NPAT: variants seen among roughly 807,000 people sequenced by gnomAD.
The protein encoded by NPAT is nuclear protein, coactivator of histone transcription, also known as protein NPAT.
Under a neutral mutation model 130.7 loss-of-function variants are expected in NPAT, and 52 were observed. The observed-to-expected ratio is 0.40, with a 90% CI of 0.32 to 0.50. NPAT has a LOEUF of 0.50. Ranked by LOEUF, NPAT falls within the 20% of genes least tolerant of loss-of-function variation. The probability of loss-of-function intolerance (pLI) is 0.68; values close to 1 mark genes in which losing one functional copy is unlikely to be tolerated. For missense variants in NPAT, 1,687 were observed against 1,662.6 expected (o/e 1.01, Z -0.26); for synonymous variants, 580 against 584.8 (o/e 0.99, Z 0.12).
At position 108,189,277 on chromosome 11, in the gene NPAT, G is replaced by C; in HGVS notation, c.385C>G (p.Gln129Glu). Residue 129 changes from glutamine to glutamate, a missense_variant, in exon 6 of 18, where the codon CAA becomes GAA. Around this residue, in one of 3 missense-constraint regions of NPAT, gnomAD observed 307 missense variants for 298.9 expected, o/e 1.03. Transcript: ENST00000278612. ...EIKRQRKLAS[Q>E]TAPASAELLT... ...AACTCTGCACTGGCTGGAGCTGTTTGAGATGCAAGCTTTCTCTGCCGTTTG... is the reference window on the plus strand; with the variant it reads ...AACTCTGCACTGGCTGGAGCTGTTTCAGATGCAAGCTTTCTCTGCCGTTTG... The C allele has an allele frequency of 6.2e-7, 1 of 1,614,180 alleles. No individual in the cohort carries two copies. The highest frequency in any genetic ancestry group is 8.5e-7 in the Non-Finnish European group (1 of 1,180,022).
intron 1 of NPAT, 42 bp from the exon 2 acceptor site, chr11:108,197,462 G>A: frequency 7.9e-7 from 1 of 1,272,844 alleles, no homozygotes; most frequent in East Asian, 2.3e-5. Context: ...ACTAAATTCT[G>A]TACTTTTGGT....
intron 1 of NPAT, among the ~76,000 whole-genome samples, chr11:108,217,355 T>G (rs2078444018): frequency 6.6e-6 from 1 of 152,212 alleles, no homozygotes. Flanking sequence ...ATAGCTTACA[T>G]GTATTTCAAT....
At chr11:108,180,829 G>A (rs1263778) in intron 10 of NPAT, among the ~76,000 whole-genome samples, 1 of 152,310 alleles carries the variant, frequency 6.6e-6, no homozygotes, top group Non-Finnish European at 1.5e-5. Flanking sequence ...TAAACAAAAT[G>A]TGGCATATAC....
At chr11:108,175,364 C>T (rs2077995701) in intron 12 of NPAT, among the ~76,000 whole-genome samples, 1 of 152,266 alleles carries the variant, frequency 6.6e-6, no homozygotes, top group South Asian at 2.1e-4. Flanking sequence ...TAAGGGGGGA[C>T]TACTCTAATT....
intron 13 of NPAT, chr11:108,170,330 T>A (rs1372736801): frequency 2.6e-6 from 1 of 380,902 alleles, no homozygotes; most frequent in Non-Finnish European, 5.0e-6. Context: ...AGCATAAGAC[T>A]CTACAGCCAA....
At chr11:108,183,909 G>A in intron 10 of NPAT, among the ~76,000 whole-genome samples, 1 of 151,924 alleles carries the variant, frequency 6.6e-6, no homozygotes, top group African/African-American at 2.4e-5. Context: ...GGGAGATCAA[G>A]GCTGCTGTGA....
At chr11:108,190,997 C>T (rs2078163965) in intron 4 of NPAT, among the ~76,000 whole-genome samples, 1 of 152,046 alleles carries the variant, frequency 6.6e-6, no homozygotes, top group Non-Finnish European at 1.5e-5. Flanking sequence ...TGAGCTCAGG[C>T]GTTCAAGGCT....
In NPAT at chr11:108,160,939, G is replaced by C. The variant is rs745467845; in HGVS notation, c.4147C>G (p.Arg1383Gly). ...EELDERERNS[R>G]PSSKNLTNSS... ...TTTGTAAGATTTTTACTAGAAGGACGAGAGTTTCGCTCACGTTCATCTAAT... is the reference window on the plus strand; with the variant it reads ...TTTGTAAGATTTTTACTAGAAGGACCAGAGTTTCGCTCACGTTCATCTAAT... Residue 1383 changes from arginine (R) to glycine (G), a missense_variant, in exon 17 of 18, where the codon CGT becomes GGT. By Grantham distance (125) the Arg-to-Gly change is moderately radical. Coordinates refer to ENST00000278612, the MANE Select transcript of NPAT (RefSeq NM_002519.3). The C allele has an allele frequency of 1.2e-6, 2 of 1,613,928 alleles. No homozygotes were observed. Among genetic ancestry groups the C allele is most frequent in the Non-Finnish European group, 1.7e-6 (2 of 1,179,990 alleles).
Position 108,176,312 on chromosome 11 carries a change from G to T in NPAT, c.1066C>A (p.Pro356Thr). The change falls in exon 12 of 18, where the codon CCC becomes ACC. Residue 356 changes from proline to threonine, a missense_variant. Physicochemically the swap from Pro to Thr is conservative, Grantham distance 38. Around this residue, in one of 3 missense-constraint regions of NPAT, gnomAD observed 1,379 missense variants for 1,346.6 expected, o/e 1.02. Coordinates refer to ENST00000278612, the MANE Select transcript of NPAT (RefSeq NM_002519.3). ...SISSQPMESN[P>T]SIVLADETNL... ...GTTTCATCTGCTAAGACTATACTGG[G>T]ATTGGATTCCATAGGTTGACTGGAA... The T allele has an allele frequency of 1.9e-6, 3 of 1,573,274 alleles. No individual in the cohort carries two copies. The highest frequency in any genetic ancestry group is 1.1e-5 in the South Asian group (1 of 90,210).
intron 1 of NPAT, among the ~76,000 whole-genome samples, chr11:108,199,463 T>C (rs1249238154): frequency 2.6e-5 from 4 of 152,234 alleles, no homozygotes; most frequent in Admixed American, 6.5e-5. Context: ...ATAGCGGCAC[T>C]GAATGGATCC....
chr11:108,199,059 G>C (rs934985864), intron 1 of NPAT, among the ~76,000 whole-genome samples: 3 of 152,238 alleles, frequency 2.0e-5, no homozygotes, highest in African/African-American at 7.2e-5. Flanking sequence ...TAGAGGGACG[G>C]AATGAGCTGT....
intron 2 of NPAT, among the ~76,000 whole-genome samples, chr11:108,196,070 T>G (rs2078216963): frequency 6.6e-6 from 1 of 152,250 alleles, no homozygotes; most frequent in African/African-American, 2.4e-5. Context: ...GCACAATTTT[T>G]TTCTTATGTT....
intron 1 of NPAT, among the ~76,000 whole-genome samples, chr11:108,202,699 C>T (rs2078285429): frequency 6.6e-6 from 1 of 152,136 alleles, no homozygotes; most frequent in Admixed American, 6.5e-5. Context: ...CCTCAAGCAA[C>T]ATCTTCTCCC....
chr11:108,218,772 G>A (rs2078457475), intron 1 of NPAT, among the ~76,000 whole-genome samples: 1 of 152,182 alleles, frequency 6.6e-6, no homozygotes, highest in East Asian at 1.9e-4. Context: ...AAGTATATAT[G>A]CAATCATATT....
Position 108,161,498 on chromosome 11 carries a change from T to C in NPAT, c.3588A>G (p.Arg1196=), listed in dbSNP as rs1473309174. 1 of 1,614,234 alleles carries C rather than the reference T, an allele frequency of 6.2e-7. No individual in the cohort carries two copies. The highest frequency in any genetic ancestry group is 8.5e-7 in the Non-Finnish European group (1 of 1,180,030). The change falls in exon 17 of 18, where the codon CGA becomes CGG. Residue 1196 remains arginine, a synonymous_variant. Transcript: ENST00000278612. ...LSIGQQNGGL[R]SEKSIASLQE... ...GCAGTGAAGCTATAGATTTCTCACT[T>C]CGCAAACCCCCATTTTGCTGCCCAA...
In NPAT at chr11:108,169,935, G is replaced by A; in HGVS notation, c.2894C>T (p.Pro965Leu). 3 of 1,612,874 alleles carry A rather than the reference G, an allele frequency of 1.9e-6. No homozygotes were observed. The highest frequency in any genetic ancestry group is 2.5e-6 in the Non-Finnish European group (3 of 1,178,922). The change falls in exon 14 of 18, where the codon CCT becomes CTT. Residue 965 changes from proline (P) to leucine (L), a missense_variant. Physicochemically the swap from Pro to Leu is moderately conservative, Grantham distance 98 (BLOSUM62 -3). Coordinates refer to ENST00000278612, the MANE Select transcript of NPAT (RefSeq NM_002519.3). Reference protein sequence around the residue: ...GQNGNNFSTPPRQVLHMPLTA... With the variant: ...GQNGNNFSTPLRQVLHMPLTA... ...TCAGTTCATAAATCTTACCTGCCGA[G>A]GAGGAGTAGAAAAGTTATTTCCATT...
chr11:108,216,687 A>T (rs2078438442), intron 1 of NPAT, among the ~76,000 whole-genome samples: 1 of 152,176 alleles, frequency 6.6e-6, no homozygotes, highest in South Asian at 2.1e-4. Flanking sequence ...GGCATTTCAT[A>T]AAACATTATA....
chr11:108,178,125 C>T (rs2078026109), intron 10 of NPAT, among the ~76,000 whole-genome samples: 1 of 152,150 alleles, frequency 6.6e-6, no homozygotes, highest in South Asian at 2.1e-4. Context: ...TCTGTCTGCT[C>T]TGGGTTCTTC....
intron 2 of NPAT, among the ~76,000 whole-genome samples, chr11:108,195,100 G>A (rs1162970233): frequency 6.6e-6 from 1 of 152,212 alleles, no homozygotes; most frequent in African/African-American, 2.4e-5. Context: ...GGGATTACAG[G>A]TGTGAGCCAC....
Sources: gnomAD v4.1 joint callset for allele counts (sites outside exome capture counted in the v4.1 genomes callset) on GRCh38, gnomAD v4.1.1 for gene constraint, gnomAD v4.1.1 regional missense constraint, MANE v1.5 for transcripts, NCBI Gene and HGNC (gene_info 2026-07-23, HGNC 2026-07-21) for gene names.